Variants in TMEM161B observed in about 807,000 individuals in gnomAD.
TMEM161B encodes transmembrane protein 161B.
TMEM161B carries 34 observed loss-of-function variants against 61.8 expected under a neutral mutation model. The observed-to-expected ratio is 0.55, with a 90% CI of 0.42 to 0.73. The LOEUF (loss-of-function observed/expected upper bound fraction) is 0.73. TMEM161B is among the 30% of genes least tolerant of loss of function. The pLI is 0.00. For missense variants in TMEM161B, 456 were observed against 558.5 expected, an observed-to-expected ratio of 0.82 and a Z score of 1.85; for synonymous variants, 167 against 192.8, an observed-to-expected ratio of 0.87 and a Z score of 1.11.
intron 1 of TMEM161B, among the ~76,000 whole-genome samples, chr5:88,251,435 G>A (rs139144138): frequency 6.6e-6 from 1 of 152,192 alleles, no homozygotes; most frequent in East Asian, 1.9e-4. Flanking sequence ...TAATCTTGCG[G>A]TCTTTCACTA....
Position 88,206,509 on chromosome 5 carries a change from A to T in TMEM161B, c.599-10T>A. On this transcript the variant is annotated splice_polypyrimidine_tract_variant and intron_variant, in intron 6 of 11. Transcript: ENST00000296595. ...GAAAAATTTGTAAACCCTGTGGGGG[A>T]AAAAAAAAAAAACAACAGATTACTC... 7.3e-7 allele frequency: 1 copy of T among 1,374,010 alleles called. No homozygotes were observed. The highest frequency in any genetic ancestry group is 9.7e-7 in the Non-Finnish European group (1 of 1,025,764). The allele number at this position is 1,374,010 out of a possible 1,614,324, so 85.1% of individuals were successfully genotyped here.
chr5:88,259,539 C>G (rs560738549), intron 1 of TMEM161B, among the ~76,000 whole-genome samples: 1 of 152,308 alleles, frequency 6.6e-6, no homozygotes, highest in African/African-American at 2.4e-5. Context: ...AATTGCTCTT[C>G]AACTCATCAG....
intron 1 of TMEM161B, among the ~76,000 whole-genome samples, chr5:88,264,158 A>C (rs1756047813): frequency 6.6e-6 from 1 of 152,190 alleles, no homozygotes; most frequent in Non-Finnish European, 1.5e-5. Flanking sequence ...GATTTAAAAA[A>C]AAAAACAAAA....
At chr5:88,186,057 TAAAG>T (rs1561278829), downstream of TMEM161B, among the ~76,000 whole-genome samples, 1 of 152,194 alleles carries the variant, frequency 6.6e-6, no homozygotes, top group Admixed American at 6.6e-5. Context: ...TCGACACCTA[TAAAG>T]AGTCAAAGAA....
downstream of TMEM161B, among the ~76,000 whole-genome samples, chr5:88,191,251 T>C (rs911737109): frequency 6.6e-6 from 1 of 152,200 alleles, no homozygotes; most frequent in African/African-American, 2.4e-5. Flanking sequence ...GAAAATGATG[T>C]CAGCAAGATA....
At chr5:88,213,067 T>TA (rs1298543005) in intron 5 of TMEM161B, among the ~76,000 whole-genome samples, 2 of 152,200 alleles carry the variant, frequency 1.3e-5, no homozygotes, top group Non-Finnish European at 2.9e-5. Context: ...TGCTACTAAA[T>TA]AAAATCCCTA....
At chr5:88,188,832 G>C (rs768587727), downstream of TMEM161B, among the ~76,000 whole-genome samples, 3 of 152,172 alleles carry the variant, frequency 2.0e-5, no homozygotes, top group East Asian at 1.9e-4. Context: ...GAGTTGGGGG[G>C]GGTGGTTAAT....
At chr5:88,227,195 C>T (rs1037164532) in intron 3 of TMEM161B, among the ~76,000 whole-genome samples, 1 of 152,102 alleles carries the variant, frequency 6.6e-6, no homozygotes, top group Non-Finnish European at 1.5e-5. Flanking sequence ...TTCTACATAA[C>T]TAAATTTTAC....
rs141495834 is a variant in TMEM161B at position 88,267,545 on chromosome 5, C to T, written c.3+1176G>A. ...CTGAAGCTAAATTCCAGGACAGAAG[C>T]CTCTGCAAGTGAGGGTTTGAAATCT... On this transcript the variant is annotated intron_variant, in intron 1 of 11. Coordinates refer to ENST00000296595, the MANE Select transcript of TMEM161B (RefSeq NM_153354.5). Among the ~76,000 whole-genome samples the T allele has an allele frequency of 1.7e-3, 254 of 152,168 alleles. 1 individual carries two copies. The Middle Eastern group carries it at 0.027, about 16-fold the overall frequency.
chr5:88,225,233 C>A lies in TMEM161B; in HGVS notation c.289+536G>T, dbSNP rs190535757. On this transcript the variant is annotated intron_variant, in intron 4 of 11. Coordinates refer to ENST00000296595, the MANE Select transcript of TMEM161B (RefSeq NM_153354.5). ...CCGCCCGCCTTGGCCTCCCAAAGTG[C>A]TGGGATTACAGGCGTGAGCCACCGC... 6.4e-3 allele frequency among the ~76,000 whole-genome samples: 982 copies of A among 152,252 alleles called. 8 individuals are homozygous for A. Among genetic ancestry groups the A allele is most frequent in the African/African-American group, 0.022 (919 of 41,556 alleles).
chr5:88,253,385 T>C (rs957954199), intron 1 of TMEM161B, among the ~76,000 whole-genome samples: 7 of 152,132 alleles, frequency 4.6e-5, no homozygotes, highest in Non-Finnish European at 1.0e-4. Context: ...AGTGATTAAA[T>C]ATACAAGGGA....
At chr5:88,228,708 A>C (rs1348890562) in intron 2 of TMEM161B, among the ~76,000 whole-genome samples, 180 bp from the exon 3 acceptor site, 1 of 152,196 alleles carries the variant, frequency 6.6e-6, no homozygotes, top group Non-Finnish European at 1.5e-5. Flanking sequence ...ATAAACATCC[A>C]GCAGACACTT....
intron 5 of TMEM161B, among the ~76,000 whole-genome samples, chr5:88,215,044 G>C (rs913533119): frequency 6.6e-6 from 1 of 152,212 alleles, no homozygotes; most frequent in Admixed American, 6.5e-5. Context: ...TATCAGTGAG[G>C]GGGGAAAGAC....
chr5:88,186,647 G>C (rs1411367032), downstream of TMEM161B, among the ~76,000 whole-genome samples: 1 of 151,688 alleles, frequency 6.6e-6, no homozygotes, highest in East Asian at 1.9e-4. Flanking sequence ...CATTTTATGG[G>C]GGCCAAGTGC....
intron 1 of TMEM161B, among the ~76,000 whole-genome samples, chr5:88,256,107 A>C (rs944059440): frequency 1.3e-5 from 2 of 152,212 alleles, no homozygotes; most frequent in Admixed American, 1.3e-4. Context: ...TAACAATAGA[A>C]AACATTCTAA....
intron 8 of TMEM161B, among the ~76,000 whole-genome samples, chr5:88,204,566 T>C (rs932808637): frequency 2.0e-5 from 3 of 152,146 alleles, no homozygotes; most frequent in African/African-American, 7.2e-5. Flanking sequence ...GCGGTTTCAG[T>C]AGCTTGTGAA....
chr5:88,260,854 T>C (rs1293885184), intron 1 of TMEM161B, among the ~76,000 whole-genome samples: 2 of 152,234 alleles, frequency 1.3e-5, no homozygotes, highest in Non-Finnish European at 2.9e-5. Context: ...AGCAAAAGTT[T>C]AAGTTGTTTC....
chr5:88,214,236 A>G (rs940498561), intron 5 of TMEM161B, among the ~76,000 whole-genome samples: 3 of 152,162 alleles, frequency 2.0e-5, no homozygotes, highest in Non-Finnish European at 4.4e-5. Context: ...CAGCCATGAA[A>G]ACATACATAA....
At chr5:88,259,749 A>G (rs1368135843) in intron 1 of TMEM161B, among the ~76,000 whole-genome samples, 1 of 152,238 alleles carries the variant, frequency 6.6e-6, no homozygotes, top group Admixed American at 6.5e-5. Flanking sequence ...TTGCTTGAAT[A>G]CTATAGAGAT....
Sources: gnomAD v4.1 joint callset for allele counts (sites outside exome capture counted in the v4.1 genomes callset) on GRCh38, gnomAD v4.1.1 for gene constraint, MANE v1.5 for transcripts, NCBI Gene and HGNC (gene_info 2026-07-23, HGNC 2026-07-21) for gene names.